NRL: variants seen among roughly 807,000 people sequenced by gnomAD.
NRL encodes neural retina-specific leucine zipper protein.
In NRL, 16 loss-of-function variants were observed where a neutral mutation model predicts 12.5. The observed-to-expected ratio is 1.28, with a 90% CI of 0.87 to 1.95. The LOEUF is 1.95. NRL is among the 30% of genes most tolerant of loss of function. The probability of loss-of-function intolerance (pLI) is 0.00; values close to 1 mark genes in which losing one functional copy is unlikely to be tolerated. For missense variants in NRL, 314 were observed against 325.8 expected (o/e 0.96, Z 0.28); for synonymous variants, 142 against 150.9 (o/e 0.94, Z 0.43).
chr14:24,109,071 C>A (rs1467125575), intron 1 of NRL, among the ~76,000 whole-genome samples: 1 of 152,164 alleles, frequency 6.6e-6, no homozygotes, highest in African/African-American at 2.4e-5. Flanking sequence ...ATTTACTTAG[C>A]AATTACCAGA....
chr14:24,103,640 C>T, intron 1 of NRL: 1 of 1,614,154 alleles, frequency 6.2e-7, no homozygotes, highest in South Asian at 1.1e-5. Context: ...TCCATGTCAA[C>T]TGGTTCCGGC....
chr14:24,094,327 C>T lies in NRL; in HGVS notation c.-27-11452G>A. 2.9e-6 allele frequency: 4 copies of T among 1,400,290 alleles called. No individual in the cohort carries two copies. Among genetic ancestry groups the T allele is most frequent in the East Asian group, 5.2e-5 (2 of 38,250 alleles). 86.7% of individuals were successfully genotyped at this position (1,400,290 alleles called of 1,614,324 possible). A position where few individuals can be genotyped will look rare whatever the true frequency, so the allele number is the denominator to read the frequency against. On this transcript the variant is annotated intron_variant, in intron 1 of 2. Transcript: ENST00000561028. This position sits in a 1 kb window ranked among gnomAD's most constrained non-coding sequence, Gnocchi z 4.1. The stretch of plus-strand genomic sequence containing the variant: ...GCCTCTGCTGTGGCTCGCTTCGCCG[C>T]GCTCCCTCCTTCCCCGCCTTCCATA...
chr14:24,108,336 C>CAGGG (rs769530164), intron 1 of NRL, among the ~76,000 whole-genome samples: 4 of 152,154 alleles, frequency 2.6e-5, no homozygotes, highest in Non-Finnish European at 5.9e-5. Flanking sequence ...TATTCAAAAT[C>CAGGG]AGGGCTAAAG....
intron 1 of NRL, among the ~76,000 whole-genome samples, chr14:24,096,557 G>A (rs962914202): frequency 1.3e-5 from 2 of 152,030 alleles, no homozygotes; most frequent in Non-Finnish European, 1.5e-5. Context: ...ATTTCTAAAC[G>A]TTGATTAAAC....
chr14:24,099,245 C>T (rs2037048610), intron 1 of NRL: 1 of 1,585,670 alleles, frequency 6.3e-7, no homozygotes, highest in Non-Finnish European at 8.6e-7. Context: ...TGGTGAGGGC[C>T]TGGTGAGAAG....
At chr14:24,089,920 C>T (rs62000827) in intron 1 of NRL, among the ~76,000 whole-genome samples, 3,324 of 152,178 alleles carry the variant, frequency 0.022, 50 homozygotes, top group East Asian at 0.066. Context: ...AAAAGATCCA[C>T]GTAGCCAGAG....
At chr14:24,104,619 C>T (rs1364907357) in intron 1 of NRL, among the ~76,000 whole-genome samples, 2 of 137,436 alleles carry the variant, frequency 1.5e-5, no homozygotes, top group African/African-American at 5.6e-5. Context: ...CCAGTCTGGG[C>T]AACAGAGCGA....
At chr14:24,100,183 A>G (rs2037102804) in intron 1 of NRL, 2 of 1,613,800 alleles carry the variant, frequency 1.2e-6, no homozygotes, top group Non-Finnish European at 1.7e-6. Flanking sequence ...TGTTACTGTG[A>G]CCTCCTGGCT....
intron 1 of NRL, among the ~76,000 whole-genome samples, chr14:24,089,558 T>C (rs1382257433): frequency 6.6e-6 from 1 of 152,226 alleles, no homozygotes; most frequent in Non-Finnish European, 1.5e-5. Context: ...ATTTTAAATA[T>C]TTAAACACAA....
rs1037072782 is a variant in NRL at position 24,094,818 on chromosome 14, G to C, written c.-27-11943C>G. On this transcript the variant is annotated intron_variant, in intron 1 of 2. Coordinates refer to ENST00000561028, the MANE Select transcript of NRL (RefSeq NM_001354768.3). This position sits in a 1 kb window ranked among gnomAD's most constrained non-coding sequence, Gnocchi z 4.1. ...CTCAGCCAGCGCCCCAGGGTACTTC[G>C]AGAGGCAGCAGGGCCCTGGGGACAA... The C allele has an allele frequency of 7.5e-7, 1 of 1,336,502 alleles. No individual in the cohort carries two copies. Among genetic ancestry groups the C allele is most frequent in the Non-Finnish European group, 9.8e-7 (1 of 1,019,908 alleles). 82.8% of individuals were successfully genotyped at this position (1,336,502 alleles called of 1,614,324 possible).
At position 24,082,704 on chromosome 14, in the gene NRL, G is replaced by A; in HGVS notation, c.145C>T (p.Pro49Ser). ...CCTGGTTCACTGAAGGTGGGTGAAG[G>A]AGGCACTGAGCTGTAAGGTGTGGAG... ...LGSTPYSSVP[P>S]SPTFSEPGMV... The change falls in exon 2 of 3, where the codon CCT becomes TCT. Residue 49 changes from proline to serine, a missense_variant. Transcript: ENST00000561028. The A allele has an allele frequency of 6.2e-7, 1 of 1,614,212 alleles. No individual in the cohort carries two copies.
chr14:24,081,703 C>A lies in NRL; in HGVS notation c.382-135G>T. On this transcript the variant is annotated intron_variant, in intron 2 of 2. Coordinates refer to ENST00000561028, the MANE Select transcript of NRL (RefSeq NM_001354768.3). This position sits in a 1 kb window ranked among gnomAD's most constrained non-coding sequence, Gnocchi z 4.4. ...ACCTTCACCGGAAGGCTCGCCCTTC[C>A]ACGCAGTCTGTTTCGGTCCAGAGCC... is the stretch of plus-strand genomic sequence containing the variant. 1 of 1,526,066 alleles carries A rather than the reference C, an allele frequency of 6.6e-7. No homozygotes were observed. The highest frequency in any genetic ancestry group is 8.8e-7 in the Non-Finnish European group (1 of 1,140,228). 94.5% of individuals were successfully genotyped at this position (1,526,066 alleles called of 1,614,324 possible). A position where few individuals can be genotyped will look rare whatever the true frequency, so the allele number is the denominator to read the frequency against.
chr14:24,101,542 T>C (rs976899568), intron 1 of NRL, among the ~76,000 whole-genome samples: 1 of 152,256 alleles, frequency 6.6e-6, no homozygotes, highest in African/African-American at 2.4e-5. Context: ...CCTACCCATG[T>C]GATATCCCTA....
chr14:24,090,292 G>C (rs1256202207), intron 1 of NRL, among the ~76,000 whole-genome samples: 1 of 123,412 alleles, frequency 8.1e-6, no homozygotes, highest in Admixed American at 8.5e-5. Context: ...CACGGGGGGG[G>C]ACTTTCAAAG....
At chr14:24,096,842 G>A (rs759931314) in intron 1 of NRL, 2 of 1,559,454 alleles carry the variant, frequency 1.3e-6, no homozygotes, top group Non-Finnish European at 8.7e-7. Flanking sequence ...CACCTGCCTT[G>A]TCCACTCTCG....
rs2036311687 is a variant in NRL at position 24,081,676 on chromosome 14, C to T, written c.382-108G>A. On this transcript the variant is annotated intron_variant, in intron 2 of 2. Transcript: ENST00000561028. The surrounding 1 kb of genome is among the most constrained non-coding windows in gnomAD (Gnocchi z 4.4). ...CCCCGGGACAGCCCCGCCCCGGCTC[C>T]CACCTTCACCGGAAGGCTCGCCCTT... 1.3e-6 allele frequency: 2 copies of T among 1,528,636 alleles called. No homozygotes were observed. The highest frequency in any genetic ancestry group is 8.8e-7 in the Non-Finnish European group (1 of 1,138,576). 94.7% of individuals were successfully genotyped at this position (1,528,636 alleles called of 1,614,324 possible).
At chr14:24,113,781 G>A (rs1385567195) in intron 1 of NRL, among the ~76,000 whole-genome samples, 4 of 152,248 alleles carry the variant, frequency 2.6e-5, no homozygotes, top group Non-Finnish European at 4.4e-5. Context: ...CCCTCACTGG[G>A]AGAGGCCCCA....
Position 24,094,886 on chromosome 14 carries a change from G to A in NRL, c.-27-12011C>T, listed in dbSNP as rs572830750. On this transcript the variant is annotated intron_variant, in intron 1 of 2. Transcript: ENST00000561028. This position sits in a 1 kb window ranked among gnomAD's most constrained non-coding sequence, Gnocchi z 4.1. ...GAGACTAAGCTCAGAGCCCCCTAAA[G>A]AAGGTGGAAGGTTAAATATCCATTC... The A allele has an allele frequency of 4.0e-6, 5 of 1,257,238 alleles. No homozygotes were observed. The highest frequency in any genetic ancestry group is 5.2e-6 in the Non-Finnish European group (5 of 958,770). 77.9% of individuals were successfully genotyped at this position (1,257,238 alleles called of 1,614,324 possible).
chr14:24,083,527 T>A (rs1368613441), intron 1 of NRL, among the ~76,000 whole-genome samples: 1 of 152,190 alleles, frequency 6.6e-6, no homozygotes, highest in South Asian at 2.1e-4. Context: ...CTGGCCACCA[T>A]CTTTCCTCAA....
Sources: allele counts gnomAD v4.1 joint callset (sites outside exome capture counted in the v4.1 genomes callset), GRCh38; gene constraint gnomAD v4.1.1; non-coding constraint Gnocchi (gnomAD v3.1); transcripts MANE v1.5; gene names NCBI Gene and HGNC (gene_info 2026-07-23, HGNC 2026-07-21).